The following HIBCH variants were observed in gnomAD, a reference collection of about 807,000 sequenced individuals.
The protein encoded by HIBCH is 3-hydroxyisobutyryl-CoA hydrolase, also known as 3-hydroxyisobutyryl-CoA hydrolase, mitochondrial.
A neutral mutation model predicts 58.2 loss-of-function variants in HIBCH; 50 were observed. The observed-to-expected ratio is 0.86, with a 90% CI of 0.68 to 1.09. The LOEUF is 1.09. Among genes scored for constraint, HIBCH ranks in the 50% least tolerant of loss-of-function variants. The pLI, the probability that HIBCH is intolerant of heterozygous loss-of-function variation, is 0.00. For synonymous variants in HIBCH, 151 were observed against 146.9 expected (o/e 1.03, Z -0.20); for missense variants, 450 against 449.7 (o/e 1.00, Z -0.01).
intron 6 of HIBCH, 77 bp downstream of exon 6, chr2:190,287,509 C>A: frequency 1.1e-6 from 1 of 927,148 alleles, no homozygotes; most frequent in South Asian, 1.4e-5. Context: ...TTCATCAGCT[C>A]ACTTCTGTTT....
chr2:190,222,024 C>T (rs1431948548), intron 11 of HIBCH, among the ~76,000 whole-genome samples: 1 of 152,204 alleles, frequency 6.6e-6, no homozygotes, highest in African/African-American at 2.4e-5. Context: ...AAAAGTCTGG[C>T]ACACTGACCC....
rs998149656 is a variant in HIBCH at position 190,311,132 on chromosome 2, T to A, written c.36-336A>T. On this transcript the variant is annotated intron_variant, in intron 1 of 13. Coordinates refer to ENST00000359678, the MANE Select transcript of HIBCH (RefSeq NM_014362.4). ...AAGAGCTATTATGCCACAAAAAAAA[T>A]TGGACGAAACTTAAATGCATACATA... The A allele has an allele frequency of 3.6e-5, 16 of 443,436 alleles. No homozygotes were observed. In the East Asian group the frequency reaches 5.7e-4, roughly 16 times the overall value. The allele number at this position is 443,436 out of a possible 1,614,324, so 27.5% of individuals were successfully genotyped here.
At chr2:190,212,115 A>AT (rs2105901022) in intron 12 of HIBCH, among the ~76,000 whole-genome samples, 1 of 152,362 alleles carries the variant, frequency 6.6e-6, no homozygotes, top group African/African-American at 2.4e-5. Flanking sequence ...TAGAGATACC[A>AT]TAAGATTTAA....
chr2:190,209,054 G>T lies in HIBCH; in HGVS notation c.1012-141C>A. The T allele has an allele frequency of 1.4e-6, 1 of 727,402 alleles. No individual in the cohort carries two copies. Among genetic ancestry groups the T allele is most frequent in the Non-Finnish European group, 2.5e-6 (1 of 407,104 alleles). The allele number at this position is 727,402 out of a possible 1,614,324, so 45.1% of individuals were successfully genotyped here. A position where few individuals can be genotyped will look rare whatever the true frequency, so the allele number is the denominator to read the frequency against. Reference sequence around the variant, plus strand: ...GACATTCAGAGACTGAACCACCTCTGATAGCCCACTCTCTGATCACCACCT... The same window carrying T: ...GACATTCAGAGACTGAACCACCTCTTATAGCCCACTCTCTGATCACCACCT... On this transcript the variant is annotated intron_variant, in intron 12 of 13. Coordinates refer to ENST00000359678, the MANE Select transcript of HIBCH (RefSeq NM_014362.4). The surrounding 1 kb of genome is among the most constrained non-coding windows in gnomAD (Gnocchi z 5.6).
chr2:190,266,211 G>A (rs576979211), intron 6 of HIBCH, among the ~76,000 whole-genome samples: 5 of 152,246 alleles, frequency 3.3e-5, no homozygotes, highest in African/African-American at 1.2e-4. Flanking sequence ...TGAAATGAAC[G>A]TGAATTCTGC....
rs1450202928 is a variant in HIBCH, at chr2:190,211,180, T to C, written c.1011+1776A>G. On this transcript the variant is annotated intron_variant, in intron 12 of 13. Coordinates refer to ENST00000359678, the MANE Select transcript of HIBCH (RefSeq NM_014362.4). The surrounding 1 kb of genome is among the most constrained non-coding windows in gnomAD (Gnocchi z 5.0). Reference sequence around the variant, plus strand: ...ACAGTGTCTACGACATAGTAAGCACTCTTGTTTAGTAAATAACGAATCCCC... The same window carrying C: ...ACAGTGTCTACGACATAGTAAGCACCCTTGTTTAGTAAATAACGAATCCCC... Among the ~76,000 whole-genome samples, 1 of 152,160 alleles carries C rather than the reference T, an allele frequency of 6.6e-6. No individual in the cohort carries two copies. Among genetic ancestry groups the C allele is most frequent in the Non-Finnish European group, 1.5e-5 (1 of 68,030 alleles).
At position 190,299,904 on chromosome 2, in the gene HIBCH, T is replaced by A. The variant is rs537056265; in HGVS notation, c.79-2951A>T. Among the ~76,000 whole-genome samples the A allele has an allele frequency of 4.6e-5, 7 of 152,236 alleles. No individual in the cohort carries two copies. The South Asian group carries it at 1.5e-3, about 32-fold the overall frequency. Reference sequence around the variant, plus strand: ...ACATCATTTAGCTCCCACTTATAAGTGAGAACGTGCGGTATCTGGTTTTCT... The same window carrying A: ...ACATCATTTAGCTCCCACTTATAAGAGAGAACGTGCGGTATCTGGTTTTCT... On this transcript the variant is annotated intron_variant, in intron 2 of 13. Coordinates refer to ENST00000359678, the MANE Select transcript of HIBCH (RefSeq NM_014362.4).
chr2:190,213,910 A>C (rs1575696474), intron 11 of HIBCH: 1 of 152,250 alleles, frequency 6.6e-6, no homozygotes, highest in East Asian at 1.9e-4. Flanking sequence ...CCTGCACACC[A>C]GACACCCAAT....
At chr2:190,271,523 T>C (rs1687401582) in intron 6 of HIBCH, among the ~76,000 whole-genome samples, 1 of 151,972 alleles carries the variant, frequency 6.6e-6, no homozygotes. Context: ...ACTCCCAACC[T>C]GAGGTGATCC....
chr2:190,263,490 T>C (rs1199882263), intron 6 of HIBCH, among the ~76,000 whole-genome samples: 1 of 152,166 alleles, frequency 6.6e-6, no homozygotes, highest in Non-Finnish European at 1.5e-5. Flanking sequence ...GTCATCCTTC[T>C]ACTCCACTTC....
Position 190,246,135 on chromosome 2 carries a change from G to A in HIBCH, c.809+19C>T, listed in dbSNP as rs1249772787. The A allele has an allele frequency of 4.3e-6, 6 of 1,397,044 alleles. No individual in the cohort carries two copies. The East Asian group carries it at 9.2e-5, about 21-fold the overall frequency. The allele number at this position is 1,397,044 out of a possible 1,614,324, so 86.5% of individuals were successfully genotyped here. On this transcript the variant is annotated intron_variant, in intron 10 of 13. Transcript: ENST00000359678. ...AGTCTTTCTAAAGGAATATATAACTGAGATCTCTTTTTAGGTACCTGTTTA... is the reference window on the plus strand; with the variant it reads ...AGTCTTTCTAAAGGAATATATAACTAAGATCTCTTTTTAGGTACCTGTTTA...
intron 6 of HIBCH, among the ~76,000 whole-genome samples, chr2:190,262,218 T>C (rs1442398101): frequency 6.9e-6 from 1 of 145,560 alleles, no homozygotes; most frequent in Non-Finnish European, 1.5e-5. Context: ...AATGCTGCAG[T>C]CTGTACAAGA....
At chr2:190,235,018 T>C (rs1686226909) in intron 11 of HIBCH, among the ~76,000 whole-genome samples, 1 of 152,138 alleles carries the variant, frequency 6.6e-6, no homozygotes. Context: ...CTGTTACTAC[T>C]TGAGACTGTC....
rs13410853 is a variant in HIBCH, at chr2:190,237,858, C to A, written c.891+7029G>T. ...CTGATGGGCCCCAGTGTGTGATGTTCCCCTCCCTGTGTCAATATGTTCTCA... is the reference window on the plus strand; with the variant it reads ...CTGATGGGCCCCAGTGTGTGATGTTACCCTCCCTGTGTCAATATGTTCTCA... On this transcript the variant is annotated intron_variant, in intron 11 of 13. Transcript: ENST00000359678. Among the ~76,000 whole-genome samples the A allele has an allele frequency of 5.8e-3, 886 of 151,542 alleles. 12 individuals carry two copies. Among genetic ancestry groups the A allele is most frequent in the African/African-American group, 0.021 (852 of 41,258 alleles).
intron 7 of HIBCH, among the ~76,000 whole-genome samples, chr2:190,260,068 T>C (rs185623785): frequency 6.2e-4 from 94 of 152,168 alleles, no homozygotes; most frequent in Non-Finnish European, 4.1e-4. Context: ...TTCTACGCAA[T>C]AGGGCAAGAG....
At chr2:190,256,676 A>G (rs1686934451) in intron 7 of HIBCH, among the ~76,000 whole-genome samples, 1 of 152,146 alleles carries the variant, frequency 6.6e-6, no homozygotes, top group African/African-American at 2.4e-5. Flanking sequence ...AAAAAATAAG[A>G]ACCGACATAA....
intron 10 of HIBCH, 95 bp downstream of exon 10, chr2:190,246,059 C>T (rs939177396): frequency 1.5e-6 from 1 of 687,734 alleles, no homozygotes; most frequent in Admixed American, 2.1e-5. Context: ...CACTATCAAA[C>T]ACAATGTAAT....
chr2:190,304,446 C>G lies in HIBCH; in HGVS notation c.78+6308G>C, dbSNP rs1255422308. Among the ~76,000 whole-genome samples the G allele has an allele frequency of 6.6e-6, 1 of 152,022 alleles. No homozygotes were observed. Among genetic ancestry groups the G allele is most frequent in the Non-Finnish European group, 1.5e-5 (1 of 67,996 alleles). On this transcript the variant is annotated intron_variant, in intron 2 of 13. Transcript: ENST00000359678. This position sits in a 1 kb window ranked among gnomAD's most constrained non-coding sequence, Gnocchi z 4.1. ...CTCTCTTACTTGTCTTATAAAGCCACCAGTCTCACTCCCATAACCCCATTA... is the reference window on the plus strand; with the variant it reads ...CTCTCTTACTTGTCTTATAAAGCCAGCAGTCTCACTCCCATAACCCCATTA...
intron 10 of HIBCH, among the ~76,000 whole-genome samples, chr2:190,245,716 G>T (rs1686585587): frequency 6.6e-6 from 1 of 152,088 alleles, no homozygotes; most frequent in Admixed American, 6.5e-5. Context: ...CCCTATGCTG[G>T]CCAGGCATCA....
Sources: allele counts gnomAD v4.1 joint callset (sites outside exome capture counted in the v4.1 genomes callset), GRCh38; gene constraint gnomAD v4.1.1; non-coding constraint Gnocchi (gnomAD v3.1); transcripts MANE v1.5; gene names NCBI Gene and HGNC (gene_info 2026-07-23, HGNC 2026-07-21).